NTNG1: variants seen among roughly 807,000 people sequenced by gnomAD.
NTNG1 encodes netrin G1, also known as netrin-G1.
Under a neutral mutation model 54.0 loss-of-function variants are expected in NTNG1, and 16 were observed. The observed-to-expected ratio is 0.30, with a 90% CI of 0.20 to 0.45. The LOEUF is 0.45. NTNG1 is among the 20% of genes least tolerant of loss of function. The pLI, the probability that NTNG1 is intolerant of heterozygous loss-of-function variation, is 1.00. For synonymous variants in NTNG1, 255 were observed against 263.1 expected (o/e 0.97, Z 0.30); for missense variants, 530 against 678.7 (o/e 0.78, Z 2.43).
At chr1:107,312,179 A>G (rs993160212) in intron 2 of NTNG1, among the ~76,000 whole-genome samples, 6 of 152,200 alleles carry the variant, frequency 3.9e-5, no homozygotes, top group African/African-American at 1.4e-4. Context: ...TAAAAAATTA[A>G]CGAAGGCAAT....
chr1:107,187,107 C>G (rs1414275835), intron 2 of NTNG1, among the ~76,000 whole-genome samples: 1 of 152,044 alleles, frequency 6.6e-6, no homozygotes, highest in Non-Finnish European at 1.5e-5. Context: ...AGAGGCTTGC[C>G]CCTCATTTTA....
At chr1:107,190,138 G>C (rs1293367783) in intron 2 of NTNG1, among the ~76,000 whole-genome samples, 1 of 152,122 alleles carries the variant, frequency 6.6e-6, no homozygotes. Context: ...AAGTAGAATG[G>C]TGGTTTCCAG....
chr1:107,150,339 G>A (rs1487809400), intron 2 of NTNG1, among the ~76,000 whole-genome samples: 2 of 152,096 alleles, frequency 1.3e-5, no homozygotes, highest in Non-Finnish European at 2.9e-5. Flanking sequence ...AGACATTTGT[G>A]GTGGCTTTAT....
intron 3 of NTNG1, among the ~76,000 whole-genome samples, chr1:107,345,194 G>A (rs1669143340): frequency 6.6e-6 from 1 of 152,172 alleles, no homozygotes; most frequent in Non-Finnish European, 1.5e-5. Flanking sequence ...TAAATGCAGA[G>A]TTCCAGAGCT....
At chr1:107,277,912 T>A (rs990106475) in intron 2 of NTNG1, among the ~76,000 whole-genome samples, 2 of 152,192 alleles carry the variant, frequency 1.3e-5, no homozygotes, top group Admixed American at 6.5e-5. Context: ...TTAACTCTAA[T>A]AAATAAATAA....
intron 1 of NTNG1, among the ~76,000 whole-genome samples, chr1:107,147,723 T>C (rs534177395): frequency 2.6e-5 from 4 of 152,312 alleles, no homozygotes; most frequent in African/African-American, 9.6e-5. Context: ...ACCCCATTGT[T>C]CTCTTGGAAG....
intron 4 of NTNG1, among the ~76,000 whole-genome samples, chr1:107,397,406 A>G (rs1024935403): frequency 2.6e-5 from 4 of 152,202 alleles, no homozygotes; most frequent in African/African-American, 9.6e-5. Flanking sequence ...GCTTTAAAGC[A>G]TCTGAGGATG....
intron 7 of NTNG1, among the ~76,000 whole-genome samples, chr1:107,448,042 A>G (rs936039238): frequency 5.9e-5 from 9 of 152,210 alleles, no homozygotes; most frequent in African/African-American, 2.2e-4. Flanking sequence ...TCCAAGGGCC[A>G]CGGTTCAAGA....
intron 2 of NTNG1, among the ~76,000 whole-genome samples, chr1:107,165,722 ACT>A (rs1249549494): frequency 1.3e-5 from 2 of 151,008 alleles, no homozygotes; most frequent in Non-Finnish European, 3.0e-5. Context: ...CTCCACTTTC[ACT>A]CTTTCATTTT....
chr1:107,154,478 C>G (rs1423799591), intron 2 of NTNG1, among the ~76,000 whole-genome samples: 1 of 151,212 alleles, frequency 6.6e-6, no homozygotes, highest in East Asian at 2.0e-4. Flanking sequence ...CGCCTGTAGT[C>G]CCAGCTACTT....
intron 2 of NTNG1, among the ~76,000 whole-genome samples, chr1:107,279,571 C>T (rs74436161): frequency 0.042 from 6,335 of 152,260 alleles, 159 homozygotes; most frequent in Middle Eastern, 0.068. Flanking sequence ...TGTAGAATGG[C>T]CTAATTATTT....
chr1:107,364,497 T>G (rs1223499061), intron 3 of NTNG1, among the ~76,000 whole-genome samples: 1 of 152,208 alleles, frequency 6.6e-6, no homozygotes, highest in Non-Finnish European at 1.5e-5. Context: ...CTGACTTGGT[T>G]AAAAGACTCA....
intron 2 of NTNG1, among the ~76,000 whole-genome samples, chr1:107,149,534 CT>C (rs1201769444): frequency 2.0e-5 from 3 of 151,932 alleles, no homozygotes; most frequent in African/African-American, 2.4e-5. Flanking sequence ...AATTCAGATA[CT>C]TTTTTTTGAT....
At chr1:107,419,441 T>C (rs1557984454) in intron 5 of NTNG1, among the ~76,000 whole-genome samples, 1 of 126,484 alleles carries the variant, frequency 7.9e-6, no homozygotes, top group Non-Finnish European at 1.8e-5. Context: ...AAAACAACAC[T>C]GATAGACAGA....
At chr1:107,356,480 G>A (rs1272743164) in intron 3 of NTNG1, among the ~76,000 whole-genome samples, 1 of 152,036 alleles carries the variant, frequency 6.6e-6, no homozygotes, top group Non-Finnish European at 1.5e-5. Flanking sequence ...TCTTAGTAGA[G>A]ACAGGGTTTT....
At chr1:107,451,744 A>T (rs1676640490) in intron 7 of NTNG1, among the ~76,000 whole-genome samples, 1 of 152,164 alleles carries the variant, frequency 6.6e-6, no homozygotes, top group Non-Finnish European at 1.5e-5. Context: ...TTAATCAGCA[A>T]CCAAACATTT....
intron 2 of NTNG1, among the ~76,000 whole-genome samples, chr1:107,321,641 A>G (rs1403828736): frequency 6.6e-6 from 1 of 152,162 alleles, no homozygotes; most frequent in Non-Finnish European, 1.5e-5. Flanking sequence ...CCGTGGTCAC[A>G]TAAACCTATG....
chr1:107,309,732 G>T (rs1666894822), intron 2 of NTNG1, among the ~76,000 whole-genome samples: 1 of 152,154 alleles, frequency 6.6e-6, no homozygotes, highest in Non-Finnish European at 1.5e-5. Flanking sequence ...GGTTAACCAA[G>T]TATGAGACAT....
At chr1:107,181,442 G>A (rs1374760279) in intron 2 of NTNG1, among the ~76,000 whole-genome samples, 1 of 152,144 alleles carries the variant, frequency 6.6e-6, no homozygotes, top group Non-Finnish European at 1.5e-5. Context: ...GCAATTTTAA[G>A]TGGCTTTTGT....
Sources: allele counts gnomAD v4.1 joint callset (sites outside exome capture counted in the v4.1 genomes callset), GRCh38; gene constraint gnomAD v4.1.1; transcripts MANE v1.5; gene names NCBI Gene and HGNC (gene_info 2026-07-23, HGNC 2026-07-21).